Variants in ADAMTS17 observed in about 807,000 individuals in gnomAD.
The protein encoded by ADAMTS17 is A disintegrin and metalloproteinase with thrombospondin motifs 17.
A neutral mutation model predicts 141.5 loss-of-function variants in ADAMTS17; 113 were observed. The ratio of observed to expected loss-of-function variants is 0.80; its 90% CI spans 0.69 to 0.93. The LOEUF (loss-of-function observed/expected upper bound fraction) is 0.93. ADAMTS17 is among the 40% of genes least tolerant of loss of function. The probability of loss-of-function intolerance (pLI) is 0.00; values close to 1 mark genes in which losing one functional copy is unlikely to be tolerated. For synonymous variants in ADAMTS17, 768 were observed against 630.6 expected (o/e 1.22, Z -3.27); for missense variants, 1,659 against 1,517.9 (o/e 1.09, Z -1.54).
rs1567197624 is a variant in ADAMTS17, at chr15:100,114,174, T to TA, written c.1888+2672_1888+2673insT. On this transcript the variant is annotated intron_variant, in intron 13 of 21. Coordinates refer to ENST00000268070, the MANE Select transcript of ADAMTS17 (RefSeq NM_139057.4). ...TTCTTTCTTCTTTTTTTTTTTTTTT[T>TA]TAAAAAAAGGAAGAGGAAAAAAAAG... Among the ~76,000 whole-genome samples, 1,021 of 147,504 alleles carry TA rather than the reference T, an allele frequency of 6.9e-3. 13 individuals carry two copies. Among genetic ancestry groups the TA allele is most frequent in the African/African-American group, 0.024 (915 of 38,398 alleles).
intron 18 of ADAMTS17, among the ~76,000 whole-genome samples, chr15:100,010,185 G>A (rs911681268): frequency 1.3e-5 from 2 of 152,176 alleles, no homozygotes; most frequent in South Asian, 2.1e-4. Context: ...GTGCAACTGC[G>A]AGTCCATTAA....
chr15:100,244,687 A>G (rs1282189771), intron 7 of ADAMTS17, among the ~76,000 whole-genome samples: 2 of 152,060 alleles, frequency 1.3e-5, no homozygotes, highest in Admixed American at 1.3e-4. Flanking sequence ...GGGCCACTGT[A>G]CAGGGAGCCC....
At chr15:100,242,389 G>A (rs1163135296) in intron 7 of ADAMTS17, among the ~76,000 whole-genome samples, 1 of 152,190 alleles carries the variant, frequency 6.6e-6, no homozygotes, top group Non-Finnish European at 1.5e-5. Flanking sequence ...GTGCCCACAT[G>A]GTCCAATCTG....
At chr15:100,129,802 G>A (rs1268160705) in intron 12 of ADAMTS17, 1 of 152,002 alleles carries the variant, frequency 6.6e-6, no homozygotes, top group Non-Finnish European at 1.5e-5. Context: ...TGGCTTTGAA[G>A]CCTGGCTCTT....
chr15:100,209,990 C>A (rs1236678838), intron 7 of ADAMTS17, among the ~76,000 whole-genome samples: 1 of 152,074 alleles, frequency 6.6e-6, no homozygotes, highest in Non-Finnish European at 1.5e-5. Context: ...GCCTCTATGC[C>A]TCTGTGGTGG....
rs144637560 is a variant in ADAMTS17, at chr15:100,298,951, T to C, written c.617-17550A>G. The stretch of plus-strand genomic sequence containing the variant: ...CTTCAGAGGGCCACGAGGGAAGGAC[T>C]TGTTCCAGGCCTCTCTCCTTTGCTT... On this transcript the variant is annotated intron_variant, in intron 3 of 21. Coordinates refer to ENST00000268070, the MANE Select transcript of ADAMTS17 (RefSeq NM_139057.4). Among the ~76,000 whole-genome samples the C allele has an allele frequency of 1.8e-4, 27 of 152,322 alleles. No individual in the cohort carries two copies. In the East Asian group the frequency reaches 5.0e-3, roughly 28 times the overall value.
At chr15:100,114,720 G>A (rs1301046084) in intron 13 of ADAMTS17, among the ~76,000 whole-genome samples, 1 of 152,218 alleles carries the variant, frequency 6.6e-6, no homozygotes, top group African/African-American at 2.4e-5. Flanking sequence ...CAGAAAGGAA[G>A]TGGGTGAAAG....
intron 8 of ADAMTS17, among the ~76,000 whole-genome samples, chr15:100,175,119 A>C (rs1273308994): frequency 1.3e-5 from 2 of 152,122 alleles, no homozygotes. Context: ...ATTCGATCTC[A>C]CATTTGGAGT....
chr15:100,152,827 C>CTTTTTT, intron 9 of ADAMTS17, 65 bp from the exon 10 acceptor site: 2 of 1,423,322 alleles, frequency 1.4e-6, no homozygotes, highest in East Asian at 2.6e-5. Context: ...TTTTCTTTTT[C>CTTTTTT]TTTTTTTTTT....
intron 10 of ADAMTS17, among the ~76,000 whole-genome samples, chr15:100,142,014 G>A (rs766245175): frequency 1.1e-4 from 16 of 152,220 alleles, no homozygotes; most frequent in Non-Finnish European, 1.9e-4. Context: ...ACCTCATTTA[G>A]ATGAGCAGTT....
chr15:100,221,638 C>G (rs531807775), intron 7 of ADAMTS17, among the ~76,000 whole-genome samples: 1 of 152,176 alleles, frequency 6.6e-6, no homozygotes, highest in Middle Eastern at 3.2e-3. Context: ...TGACCACTTG[C>G]TGAAGCCTTG....
At position 100,247,112 on chromosome 15, in the gene ADAMTS17, C is replaced by G. The variant is rs1248935563; in HGVS notation, c.1075+7024G>C. Among the ~76,000 whole-genome samples, 3 of 152,196 alleles carry G rather than the reference C, an allele frequency of 2.0e-5. No homozygotes were observed. In the East Asian group the frequency reaches 5.8e-4, roughly 29 times the overall value. On this transcript the variant is annotated intron_variant, in intron 7 of 21. Transcript: ENST00000268070. Reference sequence around the variant, plus strand: ...ATGTTGGCCGGGCTAGTCTCGAACTCCTGACCTCAAGTGATCCACCCACCT... The same window carrying G: ...ATGTTGGCCGGGCTAGTCTCGAACTGCTGACCTCAAGTGATCCACCCACCT...
rs544222227 is a variant in ADAMTS17, at chr15:100,090,606, C to T, written c.2137+5750G>A. Among the ~76,000 whole-genome samples the T allele has an allele frequency of 1.2e-4, 18 of 152,294 alleles. No individual in the cohort carries two copies. In the South Asian group the frequency reaches 2.5e-3, roughly 21 times the overall value. On this transcript the variant is annotated intron_variant, in intron 15 of 21. Transcript: ENST00000268070. ...GGTGCTGATGAAAGGCAGTTCAGGG[C>T]GGACTCGGTACCCAAGTGAGCCCAC...
chr15:99,981,253 CTA>C (rs2060477199), intron 20 of ADAMTS17, among the ~76,000 whole-genome samples: 1 of 152,198 alleles, frequency 6.6e-6, no homozygotes, highest in Non-Finnish European at 1.5e-5. Flanking sequence ...ATTTTCCAGT[CTA>C]TAAATAGAAC....
At chr15:100,220,462 G>T (rs773847891) in intron 7 of ADAMTS17, among the ~76,000 whole-genome samples, 39 of 152,174 alleles carry the variant, frequency 2.6e-4, no homozygotes, top group Middle Eastern at 3.2e-3. Flanking sequence ...CCACTTAGAT[G>T]TAACAACTGA....
Position 100,165,557 on chromosome 15 carries a change from T to G in ADAMTS17, c.1182-10237A>C, listed in dbSNP as rs188160283. ...CATCCAAAAATGCATCTAGAGCCAA[T>G]GCAGGCAAACGGCCTTATGACTTGA... On this transcript the variant is annotated intron_variant, in intron 8 of 21. Transcript: ENST00000268070. Among the ~76,000 whole-genome samples, 22 of 152,308 alleles carry G rather than the reference T, an allele frequency of 1.4e-4. No individual in the cohort carries two copies. The East Asian group carries it at 4.2e-3, about 29-fold the overall frequency.
intron 3 of ADAMTS17, among the ~76,000 whole-genome samples, chr15:100,307,380 T>C (rs559723275): frequency 1.2e-3 from 182 of 152,132 alleles, no homozygotes; most frequent in Non-Finnish European, 2.3e-3. Context: ...TGTGCTGCCA[T>C]CAGGAAAGAC....
At position 100,057,839 on chromosome 15, in the gene ADAMTS17, C is replaced by T. The variant is rs551666481; in HGVS notation, c.2138-3785G>A. 1.6e-4 allele frequency among the ~76,000 whole-genome samples: 25 copies of T among 152,030 alleles called. No individual in the cohort carries two copies. The South Asian group carries it at 2.5e-3, about 15-fold the overall frequency. On this transcript the variant is annotated intron_variant, in intron 15 of 21. Coordinates refer to ENST00000268070, the MANE Select transcript of ADAMTS17 (RefSeq NM_139057.4). ...GAGAGGACAGGCAGGAGTGCCAGTG[C>T]GGAGAGAAACCGTTTCTCCTGTGAC...
chr15:100,156,099 C>T (rs1272602727), intron 8 of ADAMTS17, among the ~76,000 whole-genome samples: 1 of 152,192 alleles, frequency 6.6e-6, no homozygotes, highest in Non-Finnish European at 1.5e-5. Context: ...TTCATTCATT[C>T]AAAAATATTA....
Sources: allele counts gnomAD v4.1 joint callset (sites outside exome capture counted in the v4.1 genomes callset), GRCh38; gene constraint gnomAD v4.1.1; transcripts MANE v1.5; gene names NCBI Gene and HGNC (gene_info 2026-07-23, HGNC 2026-07-21).